Variants in BMS1 observed in about 807,000 individuals in gnomAD.
BMS1 encodes the protein BMS1 ribosome biogenesis factor.
A neutral mutation model predicts 138.7 loss-of-function variants in BMS1; 53 were observed. The observed-to-expected ratio is 0.38, with a 90% confidence interval of 0.31 to 0.48. The LOEUF (loss-of-function observed/expected upper bound fraction) is 0.48, where lower values mean the gene tolerates loss of function less well. Ranked by LOEUF, BMS1 falls within the 20% of genes least tolerant of loss-of-function variation. The probability of loss-of-function intolerance (pLI) is 0.97; values close to 1 mark genes in which losing one functional copy is unlikely to be tolerated. For missense variants in BMS1, 1,360 were observed against 1,565.5 expected (o/e 0.87, Z 2.22); for synonymous variants, 504 against 539.9 (o/e 0.93, Z 0.92).
At chr10:42,793,200 T>C (rs1231538922) in intron 8 of BMS1, 56 bp downstream of exon 8, 3 of 1,490,706 alleles carry the variant, frequency 2.0e-6, no homozygotes, top group Admixed American at 2.3e-5. Context: ...TCTGAATCTA[T>C]TTTTTAATCA....
intron 3 of BMS1, 103 bp from the exon 4 acceptor site, chr10:42,787,065 A>G: frequency 4.8e-6 from 4 of 841,226 alleles, no homozygotes; most frequent in Non-Finnish European, 8.0e-6. Context: ...GTAAATGTAT[A>G]TGATGTTTTA....
rs1296635908 is a variant in BMS1, at chr10:42,802,238, C to T, written c.2329+20C>T. The T allele has an allele frequency of 6.2e-7, 1 of 1,604,844 alleles. No individual in the cohort carries two copies. The highest frequency in any genetic ancestry group is 8.5e-7 in the Non-Finnish European group (1 of 1,173,642). ...AAGATGGTAAGTAAAGAGCTGGGTT[C>T]TTCAGGAAGACTGGCTTCTCTAAAC... On this transcript the variant is annotated intron_variant, in intron 13 of 22. Coordinates refer to ENST00000374518, the MANE Select transcript of BMS1 (RefSeq NM_014753.4).
chr10:42,805,152 T>C (rs140500725), intron 13 of BMS1, among the ~76,000 whole-genome samples: 4 of 152,356 alleles, frequency 2.6e-5, no homozygotes, highest in African/African-American at 9.6e-5. Flanking sequence ...ATAATTCTTT[T>C]TGAGTTAATT....
rs563858188 is a variant in BMS1, at chr10:42,832,862, C to A, written c.*1766C>A. ...GGACTGACACATAGTAAGCCCATAACAATTATAATTTAAAACTAATTTGTT... is the reference window on the plus strand; with the variant it reads ...GGACTGACACATAGTAAGCCCATAAAAATTATAATTTAAAACTAATTTGTT... On this transcript the variant is annotated 3_prime_UTR_variant, in exon 23 of 23. Transcript: ENST00000374518. 2.3e-4 allele frequency: 35 copies of A among 152,240 alleles called. No individual in the cohort carries two copies. Among genetic ancestry groups the A allele is most frequent in the Admixed American group, 2.1e-3 (32 of 15,286 alleles). The allele number at this position is 152,240 out of a possible 1,614,324, so 9.4% of individuals were successfully genotyped here. A position where few individuals can be genotyped will look rare whatever the true frequency, so the allele number is the denominator to read the frequency against.
chr10:42,805,863 G>A (rs552019575), intron 13 of BMS1, among the ~76,000 whole-genome samples: 1 of 152,226 alleles, frequency 6.6e-6, no homozygotes, highest in South Asian at 2.1e-4. Flanking sequence ...GCAGTGGCTT[G>A]ATCTCAGCTC....
intron 11 of BMS1, 95 bp from the exon 12 acceptor site, chr10:42,798,373 G>C (rs891246121): frequency 6.8e-6 from 10 of 1,479,694 alleles, no homozygotes; most frequent in Non-Finnish European, 9.3e-6. Context: ...CTCAGTTCCT[G>C]AGTTCAAAGA....
At chr10:42,790,142 A>G (rs568993349) in intron 4 of BMS1, among the ~76,000 whole-genome samples, 181 bp from the exon 5 acceptor site, 2 of 152,324 alleles carry the variant, frequency 1.3e-5, no homozygotes, top group South Asian at 4.1e-4. Context: ...TTAGCTCTGC[A>G]GTTGTAGTGC....
rs2419103 is a variant in BMS1 at position 42,820,934 on chromosome 10, G to A, written c.2951G>A (p.Gly984Asp). The A allele has an allele frequency of 1.2e-6, 2 of 1,604,274 alleles. No homozygotes were observed. The highest frequency in any genetic ancestry group is 1.7e-6 in the Non-Finnish European group (2 of 1,177,530). The change falls in exon 18 of 23, where the codon GGC (glycine) becomes GAC (aspartate). Residue 984 changes from glycine (G) to aspartate (D), a missense_variant and splice_region_variant. Gly to Asp is a moderately conservative substitution (Grantham distance 94). This residue lies in a region of BMS1 where 425 missense variants were observed against 568.3 expected (regional missense o/e 0.75). Transcript: ENST00000374518. ...QHMHCGAAFW[G>D]PITPQGTGFL... Reference sequence around the variant, plus strand: ...TTTCTTTTTTTCCTTTTCCTTTAAGGCCCTATCACTCCACAGGGAACTGGT... The same window carrying A: ...TTTCTTTTTTTCCTTTTCCTTTAAGACCCTATCACTCCACAGGGAACTGGT...
chr10:42,824,830 C>T (rs1420571772), intron 21 of BMS1, among the ~76,000 whole-genome samples: 3 of 152,080 alleles, frequency 2.0e-5, no homozygotes, highest in Admixed American at 1.3e-4. Flanking sequence ...GGTCTCTGTT[C>T]TGTTCCATTG....
intron 5 of BMS1, 78 bp downstream of exon 5, chr10:42,790,589 A>G (rs1186437119): frequency 4.6e-5 from 67 of 1,455,102 alleles, no homozygotes; most frequent in Non-Finnish European, 5.6e-5. Flanking sequence ...TGCAGTGGCT[A>G]ACACCTGTAA....
At chr10:42,813,952 G>T (rs999023980) in intron 13 of BMS1, among the ~76,000 whole-genome samples, 33 of 151,772 alleles carry the variant, frequency 2.2e-4, no homozygotes, top group Admixed American at 3.3e-4. Context: ...TCTTTGGTTG[G>T]TTTTTTTTAA....
chr10:42,823,469 G>A, intron 20 of BMS1, 140 bp from the exon 21 acceptor site: 1 of 1,114,206 alleles, frequency 9.0e-7, no homozygotes, highest in Non-Finnish European at 1.2e-6. Context: ...TATGAGAATA[G>A]TTTCCTTAGC....
chr10:42,816,290 C>T (rs1300948532), intron 13 of BMS1, among the ~76,000 whole-genome samples: 1 of 152,026 alleles, frequency 6.6e-6, no homozygotes, highest in Non-Finnish European at 1.5e-5. Flanking sequence ...CAGAGTGAGA[C>T]TCTGTCTCCA....
chr10:42,825,707 T>C (rs1842618210), intron 21 of BMS1, among the ~76,000 whole-genome samples: 1 of 152,256 alleles, frequency 6.6e-6, no homozygotes, highest in Admixed American at 6.5e-5. Context: ...TGGAGTTTTT[T>C]ATGTAAAGGA....
Position 42,802,995 on chromosome 10 carries a change from A to G in BMS1, c.2329+777A>G, listed in dbSNP as rs974977949. On this transcript the variant is annotated intron_variant, in intron 13 of 22. Transcript: ENST00000374518. ...AATTGAGTCATTTTTATGGATTGCA[A>G]CTGCCACATGGTTTTTTGGAAGGTC... Among the ~76,000 whole-genome samples, 5 of 152,090 alleles carry G rather than the reference A, an allele frequency of 3.3e-5. No homozygotes were observed. The East Asian group carries it at 7.7e-4, about 23-fold the overall frequency.
intron 21 of BMS1, among the ~76,000 whole-genome samples, chr10:42,828,553 C>G (rs1286766690): frequency 1.3e-5 from 2 of 148,488 alleles, no homozygotes; most frequent in African/African-American, 5.0e-5. Context: ...GCCTCCACCA[C>G]CAGCAGCAGC....
chr10:42,811,518 T>C (rs1588739189), intron 13 of BMS1, among the ~76,000 whole-genome samples: 1 of 120,490 alleles, frequency 8.3e-6, no homozygotes, highest in Non-Finnish European at 1.7e-5. Flanking sequence ...GTGTTGTATT[T>C]TCTTTTTCTT....
chr10:42,789,157 A>G (rs1589131257), intron 4 of BMS1, among the ~76,000 whole-genome samples: 1 of 152,202 alleles, frequency 6.6e-6, no homozygotes, highest in African/African-American at 2.4e-5. Flanking sequence ...CTGGCAGCTG[A>G]GGGACTGTTT....
Position 42,833,136 on chromosome 10 carries a change from A to G in BMS1, c.*2040A>G, listed in dbSNP as rs930878601. 6.6e-6 allele frequency: 1 copy of G among 152,238 alleles called. No individual in the cohort carries two copies. The highest frequency in any genetic ancestry group is 6.5e-5 in the Admixed American group (1 of 15,286). 9.4% of individuals were successfully genotyped at this position (152,238 alleles called of 1,614,324 possible). ...AAAGAATGTTTAATTACAGTTGCAGATAATTGCCTTTTCCAAAGACAATGT... is the reference window on the plus strand; with the variant it reads ...AAAGAATGTTTAATTACAGTTGCAGGTAATTGCCTTTTCCAAAGACAATGT... On this transcript the variant is annotated 3_prime_UTR_variant, in exon 23 of 23. Coordinates refer to ENST00000374518, the MANE Select transcript of BMS1 (RefSeq NM_014753.4).
Sources: allele counts gnomAD v4.1 joint callset (sites outside exome capture counted in the v4.1 genomes callset), GRCh38; gene constraint gnomAD v4.1.1; regional missense constraint gnomAD v4.1.1; transcripts MANE v1.5; gene names NCBI Gene and HGNC (gene_info 2026-07-23, HGNC 2026-07-21).